Variants in COL4A1 observed in about 807,000 individuals in gnomAD.
The protein encoded by COL4A1 is collagen type IV alpha 1 chain, also known as collagen alpha-1(IV) chain.
A neutral mutation model predicts 216.6 loss-of-function variants in COL4A1; 40 were observed. That is an observed-to-expected ratio of 0.18 (90% CI 0.14 to 0.24). The LOEUF (loss-of-function observed/expected upper bound fraction) is 0.24. COL4A1 is among the 10% of genes least tolerant of loss of function. COL4A1 has a pLI of 1.00. For synonymous variants in COL4A1, 839 were observed against 810.7 expected (o/e 1.03, Z -0.59); for missense variants, 1,628 against 2,196.8 (o/e 0.74, Z 5.18).
chr13:110,254,661 A>G (rs1406013720), intron 1 of COL4A1, among the ~76,000 whole-genome samples: 1 of 152,190 alleles, frequency 6.6e-6, no homozygotes, highest in Non-Finnish European at 1.5e-5. Context: ...AAATATTTTA[A>G]ATCATTGCTG....
chr13:110,274,108 C>A (rs1883349365), intron 1 of COL4A1, among the ~76,000 whole-genome samples: 1 of 152,126 alleles, frequency 6.6e-6, no homozygotes, highest in Non-Finnish European at 1.5e-5. Context: ...GTGCTAAGTA[C>A]TAGGGGTAAA....
At chr13:110,201,964 G>A (rs1240975962) in intron 18 of COL4A1, among the ~76,000 whole-genome samples, 2 of 152,220 alleles carry the variant, frequency 1.3e-5, no homozygotes, top group African/African-American at 2.4e-5. Flanking sequence ...CCTGGGTGAC[G>A]GAGTGAGACT....
chr13:110,301,010 A>C (rs549717139), intron 1 of COL4A1, among the ~76,000 whole-genome samples: 85 of 152,354 alleles, frequency 5.6e-4, no homozygotes, highest in Middle Eastern at 6.8e-3. Context: ...AATCCAGCAA[A>C]GCTTCCACAG....
intron 2 of COL4A1, 115 bp from the exon 3 acceptor site, chr13:110,214,130 G>A (rs750133155): frequency 5.9e-6 from 5 of 853,112 alleles, no homozygotes; most frequent in Non-Finnish European, 9.8e-6. Flanking sequence ...GTCTCATTCT[G>A]TTGCCCAGGC....
At position 110,213,614 on chromosome 13, in the gene COL4A1, A is replaced by G. The variant is rs3737326; in HGVS notation, c.279+168T>C. Reference sequence around the variant, plus strand: ...GGGAAGGACTGGGGCTCAGGGAGTCACGGGCTGCTCCTCACTGCCTGCCTC... The same window carrying G: ...GGGAAGGACTGGGGCTCAGGGAGTCGCGGGCTGCTCCTCACTGCCTGCCTC... On this transcript the variant is annotated intron_variant, in intron 4 of 51. Transcript: ENST00000375820. Among the ~76,000 whole-genome samples the G allele has an allele frequency of 0.31, 46,862 of 151,852 alleles. 7,814 individuals carry two copies. Among genetic ancestry groups the G allele is most frequent in the African/African-American group, 0.45 (18,539 of 41,352 alleles).
At chr13:110,230,307 G>A (rs1401474715) in intron 2 of COL4A1, among the ~76,000 whole-genome samples, 6 of 152,050 alleles carry the variant, frequency 3.9e-5, no homozygotes, top group South Asian at 2.1e-4. Context: ...TGTGGTGTGT[G>A]CGTGTATGTG....
chr13:110,253,646 TAC>T (rs1882349340), intron 1 of COL4A1, among the ~76,000 whole-genome samples: 1 of 146,032 alleles, frequency 6.8e-6, no homozygotes, highest in Non-Finnish European at 1.5e-5. Flanking sequence ...ATGTATGTAT[TAC>T]ATATACGTAT....
intron 25 of COL4A1, 33 bp from the exon 26 acceptor site, chr13:110,186,586 C>T: frequency 6.2e-7 from 1 of 1,612,540 alleles, no homozygotes; most frequent in Non-Finnish European, 8.5e-7. Flanking sequence ...ACACCGTTAT[C>T]AGAGACACAC....
intron 45 of COL4A1, among the ~76,000 whole-genome samples, chr13:110,165,220 C>T (rs905332736): frequency 1.3e-5 from 2 of 152,134 alleles, no homozygotes; most frequent in African/African-American, 4.8e-5. Flanking sequence ...GGGGCATCAG[C>T]GTAACTTCCC....
At chr13:110,193,098 G>A (rs1018508179) in intron 22 of COL4A1, among the ~76,000 whole-genome samples, 185 bp from the exon 23 acceptor site, 7 of 152,196 alleles carry the variant, frequency 4.6e-5, no homozygotes, top group South Asian at 2.1e-4. Flanking sequence ...TCAAACGCAC[G>A]TCCCTGTCTG....
chr13:110,249,442 G>T (rs549077111), intron 1 of COL4A1, among the ~76,000 whole-genome samples: 1 of 152,142 alleles, frequency 6.6e-6, no homozygotes, highest in Non-Finnish European at 1.5e-5. Context: ...GTATATTCAC[G>T]GAAGGGAGTC....
At chr13:110,301,424 C>G (rs908766580) in intron 1 of COL4A1, among the ~76,000 whole-genome samples, 4 of 152,232 alleles carry the variant, frequency 2.6e-5, no homozygotes, top group African/African-American at 9.7e-5. Flanking sequence ...AGCCATGTGG[C>G]AGCAACCACA....
rs1187178262 is a variant in COL4A1 at position 110,253,028 on chromosome 13, TAC to T, written c.85-10296_85-10295del. Among the ~76,000 whole-genome samples the T allele has an allele frequency of 5.4e-4, 37 of 68,358 alleles. 3 individuals carry two copies. The highest frequency in any genetic ancestry group is 1.6e-3 in the African/African-American group (33 of 20,748). The allele number at this position is 68,358 out of a possible 152,430, so 44.8% of individuals were successfully genotyped here. The stretch of plus-strand genomic sequence containing the variant: ...CAGATAACTATAAGTACGTATGTAT[TAC>T]ATATACATATAACTATAAGTACGTA... On this transcript the variant is annotated intron_variant, in intron 1 of 51. Transcript: ENST00000375820.
At chr13:110,205,188 AATC>A in intron 17 of COL4A1, 162 bp downstream of exon 17, 1 of 758,120 alleles carries the variant, frequency 1.3e-6, no homozygotes, top group Non-Finnish European at 2.2e-6. Context: ...TTTTGTAAAA[AATC>A]ATGAACATAA....
chr13:110,193,802 G>A (rs1280503668), intron 22 of COL4A1, among the ~76,000 whole-genome samples: 1 of 152,220 alleles, frequency 6.6e-6, no homozygotes, highest in Non-Finnish European at 1.5e-5. Context: ...GCTCTTTCAG[G>A]AGGCAGAGCA....
Position 110,246,581 on chromosome 13 carries a change from A to G in COL4A1, c.85-3847T>C, listed in dbSNP as rs553104781. The stretch of plus-strand genomic sequence containing the variant: ...ATTTCATCATTTCCTGAGGAAATAC[A>G]CCTTGCATCTGGACTCCCAGAAAAA... On this transcript the variant is annotated intron_variant, in intron 1 of 51. Coordinates refer to ENST00000375820, the MANE Select transcript of COL4A1 (RefSeq NM_001845.6). 2.6e-4 allele frequency among the ~76,000 whole-genome samples: 40 copies of G among 152,306 alleles called. 1 individual carries two copies. In the South Asian group the frequency reaches 8.1e-3, roughly 31 times the overall value.
chr13:110,217,957 A>G (rs897858046), intron 2 of COL4A1, among the ~76,000 whole-genome samples: 1 of 152,250 alleles, frequency 6.6e-6, no homozygotes, highest in African/African-American at 2.4e-5. Flanking sequence ...AAGTCATTTT[A>G]TAATACCCAA....
At chr13:110,241,689 C>A (rs1348566231) in intron 2 of COL4A1, among the ~76,000 whole-genome samples, 1 of 152,180 alleles carries the variant, frequency 6.6e-6, no homozygotes, top group Admixed American at 6.5e-5. Context: ...AGTGCCATCA[C>A]CTATCAGGCA....
chr13:110,219,902 G>GTATATATATGTGTGTATATATATA (rs1880374845), intron 2 of COL4A1, among the ~76,000 whole-genome samples: 1 of 108,368 alleles, frequency 9.2e-6, no homozygotes, highest in Non-Finnish European at 1.8e-5. Flanking sequence ...GTATATATAT[G>GTATATATATGTGTGTATATATATA]TATATATATG....
Sources: gnomAD v4.1 joint callset for allele counts (sites outside exome capture counted in the v4.1 genomes callset) on GRCh38, gnomAD v4.1.1 for gene constraint, MANE v1.5 for transcripts, NCBI Gene and HGNC (gene_info 2026-07-23, HGNC 2026-07-21) for gene names.